The following ARRDC5 variants were observed in gnomAD, a reference collection of about 807,000 sequenced individuals.
ARRDC5 encodes arrestin domain containing 5.
ARRDC5 carries 12 observed loss-of-function variants against 13.3 expected under a neutral mutation model. That is an observed-to-expected ratio of 0.90 (90% CI 0.58 to 1.46). The LOEUF (loss-of-function observed/expected upper bound fraction) is 1.46. Among genes scored for constraint, ARRDC5 ranks in the 40% most tolerant of loss-of-function variants. The pLI, the probability that ARRDC5 is intolerant of heterozygous loss-of-function variation, is 0.00. For missense variants in ARRDC5, 406 were observed against 418.7 expected, an observed-to-expected ratio of 0.97 and a Z score of 0.26; for synonymous variants, 181 against 173.4, an observed-to-expected ratio of 1.04 and a Z score of -0.34.
At chr19:4,897,295 T>G (rs1255983888) in intron 1 of ARRDC5, among the ~76,000 whole-genome samples, 4 of 151,864 alleles carry the variant, frequency 2.6e-5, no homozygotes, top group African/African-American at 9.7e-5. Flanking sequence ...TGGAGGTGGG[T>G]CCTGGGCTTG....
chr19:4,901,988 G>A lies in ARRDC5; in HGVS notation c.253+585C>T, dbSNP rs543792616. ...TGGAACCTCCCCTTCACGAGTTCAA[G>A]TGATTCTCTTGCTTCAGCCTCCCAA... On this transcript the variant is annotated intron_variant, in intron 1 of 2. Transcript: ENST00000650722. Among the ~76,000 whole-genome samples the A allele has an allele frequency of 5.3e-5, 8 of 152,242 alleles. 1 individual carries two copies. The South Asian group carries it at 1.7e-3, about 32-fold the overall frequency.
rs373138537 is a variant in ARRDC5, at chr19:4,901,557, C to T, written c.253+1016G>A. Among the ~76,000 whole-genome samples the T allele has an allele frequency of 1.4e-3, 207 of 150,380 alleles. 1 individual carries two copies. In the South Asian group the frequency reaches 0.03, roughly 22 times the overall value. On this transcript the variant is annotated intron_variant, in intron 1 of 2. Coordinates refer to ENST00000650722, the MANE Select transcript of ARRDC5 (RefSeq NM_001080523.3). The stretch of plus-strand genomic sequence containing the variant: ...TGAACCCGGGAGGCGGAGCTTGCAG[C>T]GAGCCGAGATGGTGCCACTTCACTC...
At chr19:4,897,835 C>T (rs2031785812) in intron 1 of ARRDC5, among the ~76,000 whole-genome samples, 1 of 152,210 alleles carries the variant, frequency 6.6e-6, no homozygotes. Flanking sequence ...GCCTGCAATC[C>T]CAGCACTTTG....
In ARRDC5 at chr19:4,899,311, CA is replaced by C. The variant is rs879911671; in HGVS notation, c.254-2436del. Reference sequence around the variant, plus strand: ...TGGGCGACAGAGTGAGACTCCATCTCAAAAAAAAAATGTTTATTAAATAAAT... The same window carrying C: ...TGGGCGACAGAGTGAGACTCCATCTCAAAAAAAAATGTTTATTAAATAAAT... On this transcript the variant is annotated intron_variant, in intron 1 of 2. Transcript: ENST00000650722. Among the ~76,000 whole-genome samples, 850 of 141,226 alleles carry C rather than the reference CA, an allele frequency of 6.0e-3. 8 individuals carry two copies. The highest frequency in any genetic ancestry group is 9.4e-3 in the Non-Finnish European group (611 of 64,884). The allele number at this position is 141,226 out of a possible 152,430, so 92.6% of individuals were successfully genotyped here.
At chr19:4,916,252 A>G in the ARRDC5 span, among the ~76,000 whole-genome samples, 1 of 151,772 alleles carries the variant, frequency 6.6e-6, no homozygotes, top group Non-Finnish European at 1.5e-5. Flanking sequence ...GCTGCAGTGA[A>G]CCAAGATTGT....
chr19:4,899,940 A>G (rs930113498), intron 1 of ARRDC5, among the ~76,000 whole-genome samples: 1 of 149,558 alleles, frequency 6.7e-6, no homozygotes, highest in African/African-American at 2.5e-5. Context: ...TCCGTCTCCA[A>G]AAAAGTAAAT....
At position 4,891,020 on chromosome 19, in the gene ARRDC5, C is replaced by T; in HGVS notation, c.*26G>A. 1 of 1,583,338 alleles carries T rather than the reference C, an allele frequency of 6.3e-7. No individual in the cohort carries two copies. Among genetic ancestry groups the T allele is most frequent in the Non-Finnish European group, 8.6e-7 (1 of 1,165,180 alleles). ...TTCCTCCTGGTAGAGACTAATAAAG[C>T]TTTTAATATTTAAAAGTTCGGGCAC... On this transcript the variant is annotated 3_prime_UTR_variant, in exon 3 of 3. Transcript: ENST00000650722.
In ARRDC5 at chr19:4,902,694, G is replaced by A. The variant is rs772057724; in HGVS notation, c.132C>T (p.Leu44=). The part of the protein sequence containing the change: ...TLVDPIVKVE[L]VGRGYVEWSE... ...TCCATTCGACGTAACCCCTTCCCAC[G>A]AGCTCCACCTTCACTATGGGGTCCA... The change falls in exon 1 of 3, where the codon CTC becomes CTT. Residue 44 remains leucine, a synonymous_variant. Coordinates refer to ENST00000650722, the MANE Select transcript of ARRDC5 (RefSeq NM_001080523.3). The A allele has an allele frequency of 1.7e-5, 28 of 1,613,832 alleles. No individual in the cohort carries two copies. Among genetic ancestry groups the A allele is most frequent in the Admixed American group, 1.7e-4 (10 of 59,984 alleles).
chr19:4,902,640 A>C lies in ARRDC5; in HGVS notation c.186T>G (p.Tyr62Ter). The change falls in exon 1 of 3, where the codon TAT (tyrosine) becomes TAG (stop). Residue 62 changes from tyrosine to a stop codon, truncating the protein, a stop_gained. Coordinates refer to ENST00000650722, the MANE Select transcript of ARRDC5 (RefSeq NM_001080523.3). LOFTEE classifies it high-confidence loss of function. ...TGTTGTTGCAAATAACATTTCTGCT[A>C]TAATCACAGGATGCCCCGGCTTCTT... is the stretch of plus-strand genomic sequence containing the variant. Reference protein sequence around the residue: ...WSEEAGASCDYSRNVICNNKA... With the variant: ...WSEEAGASCD 6.2e-7 allele frequency: 1 copy of C among 1,614,018 alleles called. No individual in the cohort carries two copies. Among genetic ancestry groups the C allele is most frequent in the Non-Finnish European group, 8.5e-7 (1 of 1,179,888 alleles).
At position 4,902,728 on chromosome 19, in the gene ARRDC5, C is replaced by A. The variant is rs772918596; in HGVS notation, c.98G>T (p.Ser33Ile). 10 of 1,613,910 alleles carry A rather than the reference C, an allele frequency of 6.2e-6. No homozygotes were observed. In the East Asian group the frequency reaches 2.0e-4, roughly 32 times the overall value. Residue 33 changes from serine to isoleucine, a missense_variant, in exon 1 of 3, where the codon AGC becomes ATC. Ser to Ile is a moderately radical substitution (Grantham distance 142, BLOSUM62 -2). Coordinates refer to ENST00000650722, the MANE Select transcript of ARRDC5 (RefSeq NM_001080523.3). ...IKGQVILTLN[S>I]TLVDPIVKVE... ...CTTCACTATGGGGTCCACCAGGGTG[C>A]TGTTCAGGGTTAAGATCACCTGCCC... is the stretch of plus-strand genomic sequence containing the variant.
chr19:4,913,104 G>C, the ARRDC5 span, among the ~76,000 whole-genome samples: 3 of 152,016 alleles, frequency 2.0e-5, no homozygotes, highest in African/African-American at 7.3e-5. Flanking sequence ...GAATAATTTT[G>C]ACAAATGTCT....
At chr19:4,908,167 C>A in the ARRDC5 span, among the ~76,000 whole-genome samples, 1 of 152,180 alleles carries the variant, frequency 6.6e-6, no homozygotes. Context: ...TTAACTGAAT[C>A]ACACCTGCAA....
At chr19:4,894,393 C>T (rs2031629403) in intron 2 of ARRDC5, among the ~76,000 whole-genome samples, 1 of 149,628 alleles carries the variant, frequency 6.7e-6, no homozygotes, top group Non-Finnish European at 1.5e-5. Flanking sequence ...CGCCTGTAGT[C>T]CCAGCTACTT....
intron 2 of ARRDC5, among the ~76,000 whole-genome samples, chr19:4,892,683 T>G (rs2031552556): frequency 1.3e-5 from 2 of 152,178 alleles, no homozygotes; most frequent in Non-Finnish European, 2.9e-5. Context: ...AAAAGTTGTT[T>G]GCAACATAGC....
chr19:4,907,417 G>C (rs370197135), upstream of ARRDC5, among the ~76,000 whole-genome samples: 29 of 151,146 alleles, frequency 1.9e-4, no homozygotes, highest in African/African-American at 7.0e-4. Context: ...TACAGGCGCC[G>C]GCCACCACAC....
the ARRDC5 span, chr19:4,910,274 G>A: frequency 4.7e-5 from 7 of 149,978 alleles, no homozygotes; most frequent in African/African-American, 1.7e-4. Context: ...CGCGCTCGCG[G>A]GTGGCCGGGA....
chr19:4,913,296 C>G, the ARRDC5 span, among the ~76,000 whole-genome samples: 4 of 132,798 alleles, frequency 3.0e-5, no homozygotes, highest in Non-Finnish European at 6.2e-5. Context: ...TCTTGTTGCC[C>G]AGGCTGGAGT....
At chr19:4,909,352 G>A in the ARRDC5 span, 1 of 594,648 alleles carries the variant, frequency 1.7e-6, no homozygotes, top group Non-Finnish European at 3.0e-6. Flanking sequence ...ACTAGGCGGA[G>A]GCGCCGTGGA....
chr19:4,915,355 C>T, the ARRDC5 span, among the ~76,000 whole-genome samples: 8 of 152,146 alleles, frequency 5.3e-5, no homozygotes, highest in African/African-American at 1.2e-4. Flanking sequence ...GTTGTGGCCC[C>T]GAAGCAGCTG....
Sources: gnomAD v4.1 joint callset for allele counts (sites outside exome capture counted in the v4.1 genomes callset) on GRCh38, gnomAD v4.1.1 for gene constraint, MANE v1.5 for transcripts, NCBI Gene and HGNC (gene_info 2026-07-23, HGNC 2026-07-21) for gene names.